The following SIPA1L3 variants were observed in gnomAD, a reference collection of about 807,000 sequenced individuals.
SIPA1L3 encodes signal induced proliferation associated 1 like 3.
SIPA1L3 carries 59 observed loss-of-function variants against 150.1 expected under a neutral mutation model. That is an observed-to-expected ratio of 0.39 (90% CI 0.32 to 0.49). The LOEUF (loss-of-function observed/expected upper bound fraction) is 0.49. Ranked by LOEUF, SIPA1L3 falls within the 20% of genes least tolerant of loss-of-function variation. The pLI is 0.86. For missense variants in SIPA1L3, 2,211 were observed against 2,489.5 expected (o/e 0.89, Z 2.38); for synonymous variants, 1,070 against 1,077.6 (o/e 0.99, Z 0.14).
chr19:37,937,177 A>G (rs577050264), intron 1 of SIPA1L3, among the ~76,000 whole-genome samples: 1 of 152,250 alleles, frequency 6.6e-6, no homozygotes, highest in South Asian at 2.1e-4. Flanking sequence ...TTAACTTTTT[A>G]AAGATGGCCT....
At chr19:38,191,906 C>T (rs1806865816) in intron 16 of SIPA1L3, among the ~76,000 whole-genome samples, 1 of 152,184 alleles carries the variant, frequency 6.6e-6, no homozygotes, top group Non-Finnish European at 1.5e-5. Flanking sequence ...GCTCGGTGCT[C>T]ACGGCCGTGT....
intron 14 of SIPA1L3, among the ~76,000 whole-genome samples, chr19:38,162,992 G>C (rs1291587097): frequency 6.6e-6 from 1 of 152,214 alleles, no homozygotes; most frequent in African/African-American, 2.4e-5. Context: ...ATGTAGTCCT[G>C]TGTGTCCAGG....
chr19:38,090,111 C>T (rs557726456), intron 4 of SIPA1L3, among the ~76,000 whole-genome samples: 9 of 152,036 alleles, frequency 5.9e-5, no homozygotes, highest in Non-Finnish European at 1.0e-4. Flanking sequence ...AGGCAGGTCA[C>T]CTGAGGTCAG....
intron 1 of SIPA1L3, among the ~76,000 whole-genome samples, chr19:38,000,895 TATATATATATATATAACATATATATAAC>T (rs1967771919): frequency 5.4e-5 from 1 of 18,404 alleles, no homozygotes; most frequent in Admixed American, 5.1e-4. Context: ...ATATATATGT[TATATATATATATATAACATATATATAAC>T]ATATATATAA....
chr19:38,090,067 C>G (rs940188009), intron 4 of SIPA1L3, among the ~76,000 whole-genome samples: 4 of 152,140 alleles, frequency 2.6e-5, no homozygotes, highest in African/African-American at 9.7e-5. Flanking sequence ...CAGTGGCTCA[C>G]TCTTGTAATC....
chr19:38,114,372 G>A (rs956231276), intron 8 of SIPA1L3, among the ~76,000 whole-genome samples: 4 of 149,684 alleles, frequency 2.7e-5, no homozygotes, highest in Non-Finnish European at 4.4e-5. Context: ...GCAGTGAGCC[G>A]AGATCATGCC....
At chr19:38,006,944 T>C (rs1459457950) in intron 1 of SIPA1L3, among the ~76,000 whole-genome samples, 1 of 152,234 alleles carries the variant, frequency 6.6e-6, no homozygotes, top group African/African-American at 2.4e-5. Context: ...CGGGTTTGTC[T>C]GTGCAGCGGA....
rs573938334 is a variant in SIPA1L3 at position 37,941,452 on chromosome 19, GTTTTTT to G, written c.-379+34107_-379+34112del. Reference sequence around the variant, plus strand: ...GCTGGTGGTTTCTAATCTGTTGTGTGTTTTTTTTTTTTTTTTTTCCTGCAGAGATTC... The same window carrying G: ...GCTGGTGGTTTCTAATCTGTTGTGTGTTTTTTTTTTTTCCTGCAGAGATTC... On this transcript the variant is annotated intron_variant, in intron 1 of 21. Coordinates refer to ENST00000222345, the MANE Select transcript of SIPA1L3 (RefSeq NM_015073.3). Among the ~76,000 whole-genome samples, 1,141 of 115,680 alleles carry G rather than the reference GTTTTTT, an allele frequency of 9.9e-3. 19 individuals carry two copies. Among genetic ancestry groups the G allele is most frequent in the African/African-American group, 0.034 (1,097 of 32,442 alleles). 75.9% of individuals were successfully genotyped at this position (115,680 alleles called of 152,430 possible). A position where few individuals can be genotyped will look rare whatever the true frequency, so the allele number is the denominator to read the frequency against.
At chr19:38,028,056 C>A (rs940545470) in intron 1 of SIPA1L3, among the ~76,000 whole-genome samples, 2 of 152,096 alleles carry the variant, frequency 1.3e-5, no homozygotes, top group Non-Finnish European at 2.9e-5. Context: ...CCTCTCAGCT[C>A]TCATCTCCTG....
intron 2 of SIPA1L3, among the ~76,000 whole-genome samples, chr19:38,063,422 G>A (rs1298440471): frequency 3.3e-5 from 5 of 152,194 alleles, no homozygotes; most frequent in Admixed American, 6.5e-5. Flanking sequence ...CCCTCAGCCC[G>A]GCCCCCAGCG....
intron 16 of SIPA1L3, chr19:38,184,369 G>C (rs914801010): frequency 6.6e-6 from 1 of 152,254 alleles, no homozygotes; most frequent in Admixed American, 6.5e-5. Context: ...GTAGAGACGG[G>C]GTTTCACCAT....
At chr19:38,027,410 A>G (rs991147474) in intron 1 of SIPA1L3, among the ~76,000 whole-genome samples, 3 of 152,178 alleles carry the variant, frequency 2.0e-5, no homozygotes, top group Non-Finnish European at 4.4e-5. Flanking sequence ...GGGAATGATC[A>G]TTGAAGTTGT....
chr19:38,030,629 T>C (rs1041153879), intron 2 of SIPA1L3, among the ~76,000 whole-genome samples: 446 of 22,630 alleles, frequency 0.02, 40 homozygotes, highest in African/African-American at 0.029. Context: ...GGCAAATATA[T>C]ATATATATAT....
intron 1 of SIPA1L3, among the ~76,000 whole-genome samples, chr19:37,954,536 A>T (rs1025661714): frequency 1.1e-4 from 16 of 152,116 alleles, no homozygotes; most frequent in Non-Finnish European, 2.1e-4. Context: ...CAGTTTTAGG[A>T]AGAGGAACTT....
At chr19:38,099,553 C>G (rs1970454535) in intron 4 of SIPA1L3, among the ~76,000 whole-genome samples, 1 of 152,152 alleles carries the variant, frequency 6.6e-6, no homozygotes, top group Non-Finnish European at 1.5e-5. Context: ...TTCATCTCCC[C>G]CATTCCAGTG....
At position 38,088,810 on chromosome 19, in the gene SIPA1L3, G is replaced by T; in HGVS notation, c.1624G>T (p.Gly542Ter). The change falls in exon 4 of 22, where the codon GGA becomes TGA. Residue 542 changes from glycine (G) to a stop codon, truncating the protein, a stop_gained. Coordinates refer to ENST00000222345, the MANE Select transcript of SIPA1L3 (RefSeq NM_015073.3). LOFTEE classifies it high-confidence loss of function. ...REKLEDHKEHGPQYQYRIIFR... is the reference protein window; with the variant it reads ...REKLEDHKEH ...GAAGCTGGAAGACCACAAGGAGCAC[G>T]GACCTCAGTACCAGTACAGGATCAT... is the stretch of plus-strand genomic sequence containing the variant. 1 of 1,614,058 alleles carries T rather than the reference G, an allele frequency of 6.2e-7. No homozygotes were observed. Among genetic ancestry groups the T allele is most frequent in the Non-Finnish European group, 8.5e-7 (1 of 1,179,962 alleles).
chr19:38,180,733 T>G (rs1568596147), intron 15 of SIPA1L3, among the ~76,000 whole-genome samples: 4 of 151,930 alleles, frequency 2.6e-5, no homozygotes, highest in African/African-American at 9.7e-5. Context: ...TTAGTAGAGA[T>G]GTAGTTTCTC....
intron 1 of SIPA1L3, among the ~76,000 whole-genome samples, chr19:37,974,514 A>T (rs1298282121): frequency 1.3e-5 from 1 of 78,012 alleles, no homozygotes; most frequent in Non-Finnish European, 2.2e-5. Context: ...ACCGTGTCTC[A>T]AAAAAAAAAA....
rs746516053 is a variant in SIPA1L3, at chr19:38,206,174, G to A, written c.5280G>A (p.Ser1760=). 7.7e-6 allele frequency: 12 copies of A among 1,553,146 alleles called. No homozygotes were observed. The Admixed American group carries it at 1.4e-4, about 18-fold the overall frequency. ...RQNNQRLQEE[S]QAASEQLRKF... Reference sequence around the variant, plus strand: ...ACAACCAGCGGCTGCAGGAGGAGTCGCAGGCCGCCAGCGAGCAGCTGCGCA... The same window carrying A: ...ACAACCAGCGGCTGCAGGAGGAGTCACAGGCCGCCAGCGAGCAGCTGCGCA... The change falls in exon 22 of 22, where the codon TCG becomes TCA. Residue 1760 remains serine, a synonymous_variant. Coordinates refer to ENST00000222345, the MANE Select transcript of SIPA1L3 (RefSeq NM_015073.3).
Sources: gnomAD v4.1 joint callset for allele counts (sites outside exome capture counted in the v4.1 genomes callset) on GRCh38, gnomAD v4.1.1 for gene constraint, MANE v1.5 for transcripts, NCBI Gene and HGNC (gene_info 2026-07-23, HGNC 2026-07-21) for gene names.